FMN1: variants seen among roughly 807,000 people sequenced by gnomAD.
FMN1 encodes formin-1.
In FMN1, 110 loss-of-function variants were observed where a neutral mutation model predicts 132.4. The observed-to-expected ratio is 0.83, with a 90% CI of 0.71 to 0.97. The LOEUF is 0.97. Among genes scored for constraint, FMN1 ranks in the 50% least tolerant of loss-of-function variants. The pLI, the probability that FMN1 is intolerant of heterozygous loss-of-function variation, is 0.00. For synonymous variants in FMN1, 722 were observed against 651.7 expected, an observed-to-expected ratio of 1.11 and a Z score of -1.64; for missense variants, 1,792 against 1,705.3, an observed-to-expected ratio of 1.05 and a Z score of -0.90.
chr15:33,108,123 T>C (rs1595487031), intron 4 of FMN1, among the ~76,000 whole-genome samples: 1 of 152,128 alleles, frequency 6.6e-6, no homozygotes, highest in Non-Finnish European at 1.5e-5. Context: ...ACAGGATGGA[T>C]GGTGGTGGGG....
chr15:33,058,703 C>G (rs2037346360), intron 6 of FMN1, among the ~76,000 whole-genome samples: 1 of 152,128 alleles, frequency 6.6e-6, no homozygotes, highest in African/African-American at 2.4e-5. Context: ...CTCATATGCT[C>G]TACTTTATTG....
In FMN1 at chr15:33,153,553, C is replaced by T. The variant is rs992101191; in HGVS notation, c.1362G>A (p.Thr454=). 1.8e-5 allele frequency: 28 copies of T among 1,536,130 alleles called. No individual in the cohort carries two copies. Among genetic ancestry groups the T allele is most frequent in the African/African-American group, 4.1e-5 (3 of 73,032 alleles). Residue 454 remains threonine (T), a synonymous_variant, in exon 4 of 21, where the codon ACG becomes ACA. Transcript: ENST00000616417. ...HTSVPHTRPE[T]RNKRRAGLPL... Reference sequence around the variant, plus strand: ...GCAACCCGGCTCTCCTCTTGTTTCTCGTTTCTGGGCGAGTGTGAGGGACAC... The same window carrying T: ...GCAACCCGGCTCTCCTCTTGTTTCTTGTTTCTGGGCGAGTGTGAGGGACAC...
At chr15:32,881,892 TTGCAGG>T (rs1216045754) in intron 16 of FMN1, among the ~76,000 whole-genome samples, 3 of 152,204 alleles carry the variant, frequency 2.0e-5, no homozygotes, top group Non-Finnish European at 4.4e-5. Flanking sequence ...TAACAAAACC[TTGCAGG>T]TTGCCCAGGG....
intron 17 of FMN1, among the ~76,000 whole-genome samples, chr15:32,805,600 A>G (rs751740127): frequency 1.2e-4 from 18 of 152,226 alleles, no homozygotes; most frequent in Non-Finnish European, 1.6e-4. Context: ...TAGTGGCCAA[A>G]TAATTTATTG....
chr15:33,016,349 TAAG>T (rs2035045086), intron 6 of FMN1, among the ~76,000 whole-genome samples: 1 of 152,154 alleles, frequency 6.6e-6, no homozygotes, highest in Non-Finnish European at 1.5e-5. Context: ...TTCCAAAATC[TAAG>T]AATAAAAATC....
intron 4 of FMN1, among the ~76,000 whole-genome samples, chr15:33,128,274 G>GC (rs777579413): frequency 2.0e-5 from 3 of 152,104 alleles, no homozygotes; most frequent in Admixed American, 6.5e-5. Flanking sequence ...AATTAGAAGC[G>GC]CAACAGTTGG....
At position 33,062,753 on chromosome 15, in the gene FMN1, T is replaced by C. The variant is rs554152854; in HGVS notation, c.2161+2204A>G. ...CAACAGTTTCTCTGAAATAGAATCA[T>C]AGAAAGTTTCTTTTGCTTCATGATT... On this transcript the variant is annotated intron_variant, in intron 6 of 20. Coordinates refer to ENST00000616417, the MANE Select transcript of FMN1 (RefSeq NM_001277313.2). 4 of 152,352 alleles carry C rather than the reference T, an allele frequency of 2.6e-5. No homozygotes were observed. The East Asian group carries it at 7.7e-4, about 29-fold the overall frequency. The allele number at this position is 152,352 out of a possible 1,614,324, so 9.4% of individuals were successfully genotyped here.
At chr15:32,855,478 G>A (rs900657051) in intron 17 of FMN1, among the ~76,000 whole-genome samples, 1 of 152,170 alleles carries the variant, frequency 6.6e-6, no homozygotes, top group Non-Finnish European at 1.5e-5. Flanking sequence ...ATGGGGATTT[G>A]CAAATTGCTT....
At chr15:33,046,401 A>G (rs560654192) in intron 6 of FMN1, among the ~76,000 whole-genome samples, 171 of 152,312 alleles carry the variant, frequency 1.1e-3, no homozygotes, top group Non-Finnish European at 2.0e-3. Context: ...AGAAGCTTCT[A>G]AAAAGATTTA....
At chr15:32,842,142 G>A (rs2058758449) in intron 17 of FMN1, among the ~76,000 whole-genome samples, 1 of 152,218 alleles carries the variant, frequency 6.6e-6, no homozygotes, top group Non-Finnish European at 1.5e-5. Flanking sequence ...GTGTTTGAGA[G>A]GATAGGAAAT....
At chr15:33,188,829 T>C (rs1965979319) in intron 2 of FMN1, among the ~76,000 whole-genome samples, 1 of 152,146 alleles carries the variant, frequency 6.6e-6, no homozygotes, top group African/African-American at 2.4e-5. Flanking sequence ...GTGACCTGGA[T>C]CTATTCTTGG....
chr15:32,881,833 T>C (rs1412142061), intron 16 of FMN1, among the ~76,000 whole-genome samples: 1 of 152,174 alleles, frequency 6.6e-6, no homozygotes, highest in Non-Finnish European at 1.5e-5. Context: ...CCTTACCTTC[T>C]CATCTACATC....
chr15:33,026,833 C>G (rs34721455), intron 6 of FMN1, among the ~76,000 whole-genome samples: 21,092 of 152,200 alleles, frequency 0.14, 1,669 homozygotes, highest in Middle Eastern at 0.22. Context: ...GCCAGGCTAC[C>G]TGCCCAGGTT....
At chr15:32,864,980 T>C (rs546766240) in intron 16 of FMN1, among the ~76,000 whole-genome samples, 10 of 152,308 alleles carry the variant, frequency 6.6e-5, no homozygotes, top group East Asian at 1.9e-4. Flanking sequence ...GAAAACATTA[T>C]GCTAAGTAAG....
chr15:33,110,290 A>G (rs2039651087), intron 4 of FMN1, among the ~76,000 whole-genome samples: 1 of 152,110 alleles, frequency 6.6e-6, no homozygotes, highest in African/African-American at 2.4e-5. Flanking sequence ...AATTGTTCAC[A>G]ATAACTGAAA....
chr15:32,975,781 A>C (rs1328217593), intron 7 of FMN1, among the ~76,000 whole-genome samples: 6 of 152,198 alleles, frequency 3.9e-5, no homozygotes, highest in Non-Finnish European at 7.3e-5. Context: ...GTAGAAATGA[A>C]CCACATTTGT....
At chr15:32,822,347 C>CACAA (rs141916370) in intron 17 of FMN1, among the ~76,000 whole-genome samples, 4,134 of 152,174 alleles carry the variant, frequency 0.027, 164 homozygotes, top group East Asian at 0.085. Context: ...GAGAGTCTGT[C>CACAA]ACAAACAAAC....
intron 17 of FMN1, among the ~76,000 whole-genome samples, chr15:32,853,853 G>A (rs2059065279): frequency 6.6e-6 from 1 of 152,194 alleles, no homozygotes; most frequent in South Asian, 2.1e-4. Context: ...GCTAGCTTGT[G>A]AAACTCTGCA....
intron 17 of FMN1, among the ~76,000 whole-genome samples, chr15:32,811,758 G>A (rs1201461639): frequency 2.0e-5 from 3 of 151,606 alleles, no homozygotes; most frequent in Non-Finnish European, 2.9e-5. Context: ...TCCGCCTCCT[G>A]GGTTCAAGCG....
Sources: gnomAD v4.1 joint callset for allele counts (sites outside exome capture counted in the v4.1 genomes callset) on GRCh38, gnomAD v4.1.1 for gene constraint, MANE v1.5 for transcripts, NCBI Gene and HGNC (gene_info 2026-07-23, HGNC 2026-07-21) for gene names.